RAD51C: variants seen among roughly 807,000 people sequenced by gnomAD.
RAD51C encodes the protein RAD51 paralog C.
RAD51C carries 42 observed loss-of-function variants against 45.0 expected under a neutral mutation model. The ratio of observed to expected loss-of-function variants is 0.93; its 90% CI spans 0.73 to 1.21. The LOEUF (loss-of-function observed/expected upper bound fraction) is 1.21. Among genes scored for constraint, RAD51C ranks in the 50% most tolerant of loss-of-function variants. The pLI is 0.00. For synonymous variants in RAD51C, 172 were observed against 159.8 expected (o/e 1.08, Z -0.58); for missense variants, 474 against 452.2 (o/e 1.05, Z -0.44).
At chr17:58,719,753 G>A (rs554743328) in intron 5 of RAD51C, among the ~76,000 whole-genome samples, 113 of 146,368 alleles carry the variant, frequency 7.7e-4, no homozygotes, top group Non-Finnish European at 1.2e-3. Flanking sequence ...TTTTGAGATG[G>A]AGTCTCACTC....
intron 3 of RAD51C, among the ~76,000 whole-genome samples, chr17:58,699,717 C>T (rs1223512545): frequency 6.6e-6 from 1 of 152,140 alleles, no homozygotes; most frequent in Non-Finnish European, 1.5e-5. Context: ...CCATTATCAG[C>T]GTACATAACA....
At chr17:58,728,542 C>T (rs2049266580) in intron 7 of RAD51C, among the ~76,000 whole-genome samples, 1 of 151,680 alleles carries the variant, frequency 6.6e-6, no homozygotes, top group Non-Finnish European at 1.5e-5. Context: ...GGACCACAGG[C>T]ATGTACCACC....
chr17:58,720,702 T>C, intron 5 of RAD51C, 44 bp from the exon 6 acceptor site: 1 of 1,487,808 alleles, frequency 6.7e-7, no homozygotes, highest in South Asian at 1.1e-5. Flanking sequence ...ACTTGATAAT[T>C]TTCAAAGAGA....
rs1413729293 is a variant in RAD51C at position 58,696,893 on chromosome 17, T to C, written c.571+34T>C. 6 of 1,607,582 alleles carry C rather than the reference T, an allele frequency of 3.7e-6. No homozygotes were observed. In the South Asian group the frequency reaches 6.6e-5, roughly 18 times the overall value. ...GTAAATGATCTTCTTTTTTTCTGTATTAATAAAAGTAATTTGCATTTGTGC... is the reference window on the plus strand; with the variant it reads ...GTAAATGATCTTCTTTTTTTCTGTACTAATAAAAGTAATTTGCATTTGTGC... On this transcript the variant is annotated intron_variant, in intron 3 of 8. Transcript: ENST00000337432.
intron 7 of RAD51C, among the ~76,000 whole-genome samples, chr17:58,729,310 C>T (rs543287880): frequency 4.1e-4 from 63 of 152,092 alleles, no homozygotes; most frequent in African/African-American, 1.3e-3. Flanking sequence ...CTCGGCCTCC[C>T]GGGTTCAATC....
At chr17:58,693,052 C>T (rs1028176086) in intron 1 of RAD51C, 4 of 497,792 alleles carry the variant, frequency 8.0e-6, no homozygotes, top group African/African-American at 3.9e-5. Flanking sequence ...ATTTAACCCT[C>T]AACCCGCTTA....
intron 7 of RAD51C, among the ~76,000 whole-genome samples, chr17:58,728,174 G>A (rs12945305): frequency 6.6e-6 from 1 of 151,294 alleles, no homozygotes; most frequent in Admixed American, 6.6e-5. Flanking sequence ...GAACCCAGGA[G>A]GCAGAGGTTG....
At chr17:58,712,505 T>C (rs2048593016) in intron 5 of RAD51C, among the ~76,000 whole-genome samples, 1 of 152,134 alleles carries the variant, frequency 6.6e-6, no homozygotes, top group South Asian at 2.1e-4. Context: ...ACTTCATGCA[T>C]ATACAAACTT....
chr17:58,733,991 C>A (rs1018800554), intron 8 of RAD51C, 127 bp from the exon 9 acceptor site: 2 of 1,410,832 alleles, frequency 1.4e-6, no homozygotes, highest in African/African-American at 2.9e-5. Context: ...GCTGGGATTA[C>A]AGGTGTGAGC....
chr17:58,733,305 C>T (rs754717384), intron 8 of RAD51C, among the ~76,000 whole-genome samples: 8 of 151,968 alleles, frequency 5.3e-5, no homozygotes, highest in African/African-American at 7.3e-5. Context: ...CGTGAGCCAC[C>T]GAGCCCGGCT....
At chr17:58,697,870 G>A (rs1005989679) in intron 3 of RAD51C, among the ~76,000 whole-genome samples, 6 of 151,740 alleles carry the variant, frequency 4.0e-5, no homozygotes, top group Admixed American at 1.3e-4. Context: ...GTGCCACCAC[G>A]CCCAGTTAAT....
chr17:58,732,629 A>G (rs1345327312), intron 8 of RAD51C, 85 bp downstream of exon 8: 12 of 1,310,082 alleles, frequency 9.2e-6, no homozygotes, highest in African/African-American at 8.8e-5. Context: ...GCTTCTGTCA[A>G]CTTCTGTAGG....
chr17:58,702,591 G>T (rs568206719), intron 3 of RAD51C, among the ~76,000 whole-genome samples: 1 of 151,938 alleles, frequency 6.6e-6, no homozygotes, highest in Non-Finnish European at 1.5e-5. Flanking sequence ...TACTCAAGAG[G>T]CTGAGGCAGG....
intron 4 of RAD51C, among the ~76,000 whole-genome samples, chr17:58,703,582 A>G (rs776942081): frequency 3.9e-5 from 6 of 152,326 alleles, no homozygotes; most frequent in East Asian, 1.9e-4. Flanking sequence ...AATAGCTCCT[A>G]TCAAACCACA....
chr17:58,720,071 T>A (rs1469054096), intron 5 of RAD51C, among the ~76,000 whole-genome samples: 1 of 148,238 alleles, frequency 6.7e-6, no homozygotes, highest in Non-Finnish European at 1.5e-5. Context: ...ATCAGAAAAA[T>A]TTGTATTACT....
chr17:58,725,752 T>C (rs1476510478), intron 7 of RAD51C, among the ~76,000 whole-genome samples: 5 of 152,116 alleles, frequency 3.3e-5, no homozygotes, highest in African/African-American at 1.2e-4. Context: ...CTCATCACTT[T>C]GGGAGGCTGA....
chr17:58,695,404 T>C, intron 2 of RAD51C: 1 of 1,294,550 alleles, frequency 7.7e-7, no homozygotes, highest in Non-Finnish European at 1.0e-6. Flanking sequence ...AAGTGTTTCT[T>C]TTGCAAATTG....
chr17:58,699,980 G>T (rs2048156278), intron 3 of RAD51C: 1 of 152,150 alleles, frequency 6.6e-6, no homozygotes, highest in South Asian at 2.1e-4. Flanking sequence ...CTCCTGAGTA[G>T]CTGGGAGCTG....
At chr17:58,703,397 A>T in intron 4 of RAD51C, 68 bp downstream of exon 4, 2 of 1,526,482 alleles carry the variant, frequency 1.3e-6, no homozygotes, top group Non-Finnish European at 1.8e-6. Context: ...GCATGAAAAA[A>T]TAACCAGTAC....
Sources: allele counts gnomAD v4.1 joint callset (sites outside exome capture counted in the v4.1 genomes callset), GRCh38; gene constraint gnomAD v4.1.1; transcripts MANE v1.5; gene names NCBI Gene and HGNC (gene_info 2026-07-23, HGNC 2026-07-21).